Variants in C1GALT1 observed in about 807,000 individuals in gnomAD.
The protein encoded by C1GALT1 is glycoprotein-N-acetylgalactosamine 3-beta-galactosyltransferase 1.
C1GALT1 carries 11 observed loss-of-function variants against 31.0 expected under a neutral mutation model. The ratio of observed to expected loss-of-function variants is 0.36; its 90% confidence interval spans 0.22 to 0.59. C1GALT1 has a LOEUF of 0.59. C1GALT1 is among the 20% of genes least tolerant of loss of function. C1GALT1 has a pLI of 0.79. For missense variants in C1GALT1, 424 were observed against 425.2 expected, an observed-to-expected ratio of 1.00 and a Z score of 0.03; for synonymous variants, 175 against 143.6, an observed-to-expected ratio of 1.22 and a Z score of -1.56.
rs1783722409 is a variant in C1GALT1, at chr7:7,243,589, G to A, written c.954G>A (p.Glu318=). ...FHYVDSTTMY[E]LEYLVYHLRP... ...ATGTTGATTCTACAACCATGTATGA[G>A]TTAGAATACCTCGTTTATCATCTTC... The change falls in exon 4 of 4, where the codon GAG becomes GAA. Residue 318 remains glutamate (E), a synonymous_variant. Coordinates refer to ENST00000436587, the MANE Select transcript of C1GALT1 (RefSeq NM_020156.5). 1.2e-6 allele frequency: 2 copies of A among 1,612,916 alleles called. No individual in the cohort carries two copies. The highest frequency in any genetic ancestry group is 1.3e-5 in the African/African-American group (1 of 74,960).
intron 2 of C1GALT1, among the ~76,000 whole-genome samples, chr7:7,160,251 T>C (rs1780319812): frequency 6.6e-6 from 1 of 152,156 alleles, no homozygotes; most frequent in Non-Finnish European, 1.5e-5. Context: ...TTTCTGCATA[T>C]GACCTTTACC....
chr7:7,196,882 A>C (rs562991765), intron 1 of C1GALT1, among the ~76,000 whole-genome samples: 3 of 152,082 alleles, frequency 2.0e-5, no homozygotes, highest in Non-Finnish European at 2.9e-5. Flanking sequence ...GTACCTGTTC[A>C]TATCCTTTTC....
intron 2 of C1GALT1, among the ~76,000 whole-genome samples, chr7:7,169,555 T>C (rs1408932319): frequency 6.6e-6 from 1 of 151,810 alleles, no homozygotes; most frequent in Admixed American, 6.6e-5. Context: ...TTTTTTTTTC[T>C]TAATCTTACA....
intron 1 of C1GALT1, among the ~76,000 whole-genome samples, chr7:7,199,043 C>G (rs1781422874): frequency 6.6e-6 from 1 of 152,152 alleles, no homozygotes; most frequent in African/African-American, 2.4e-5. Context: ...TCCTTCAGTT[C>G]TGCTCTGACC....
At chr7:7,232,621 CTGGGATTA>C (rs1783141226) in intron 1 of C1GALT1, among the ~76,000 whole-genome samples, 1 of 151,954 alleles carries the variant, frequency 6.6e-6, no homozygotes, top group Non-Finnish European at 1.5e-5. Flanking sequence ...TCCCAGGTAG[CTGGGATTA>C]CAGGCACGTA....
chr7:7,225,763 C>A (rs17165282), intron 1 of C1GALT1, among the ~76,000 whole-genome samples: 2,773 of 152,204 alleles, frequency 0.018, 59 homozygotes, highest in African/African-American at 0.054. Flanking sequence ...TCTTAGAGCC[C>A]GTGGACTTTT....
At chr7:7,183,965 C>G (rs1474838143) in intron 1 of C1GALT1, among the ~76,000 whole-genome samples, 2 of 152,144 alleles carry the variant, frequency 1.3e-5, no homozygotes, top group Non-Finnish European at 2.9e-5. Context: ...GAACATAGCT[C>G]TGCCAGGAAA....
intron 1 of C1GALT1, among the ~76,000 whole-genome samples, chr7:7,192,851 C>T (rs1781133701): frequency 6.6e-6 from 1 of 152,098 alleles, no homozygotes. Flanking sequence ...GCCATTCTTG[C>T]AGGAGTAAGG....
At chr7:7,198,574 T>G (rs916613093) in intron 1 of C1GALT1, among the ~76,000 whole-genome samples, 2 of 152,222 alleles carry the variant, frequency 1.3e-5, no homozygotes, top group African/African-American at 4.8e-5. Flanking sequence ...GGATTCCCTC[T>G]TTTTCTGTTG....
chr7:7,203,236 C>T (rs369260275), intron 1 of C1GALT1, among the ~76,000 whole-genome samples: 13 of 151,672 alleles, frequency 8.6e-5, no homozygotes, highest in African/African-American at 3.1e-4. Flanking sequence ...ACTTCCAGTA[C>T]TATGTTGAAT....
intron 1 of C1GALT1, chr7:7,183,464 G>A (rs1213601325): frequency 3.1e-6 from 1 of 327,016 alleles, no homozygotes; most frequent in African/African-American, 2.2e-5. Flanking sequence ...GTGTGTGTTG[G>A]GGCATTCGGG....
intron 1 of C1GALT1, among the ~76,000 whole-genome samples, chr7:7,199,401 G>T (rs919415882): frequency 1.3e-5 from 2 of 152,146 alleles, no homozygotes; most frequent in African/African-American, 4.8e-5. Flanking sequence ...TGGTCTGAGA[G>T]ACAGTTTGTT....
intron 2 of C1GALT1, chr7:7,235,126 G>A (rs1783278224): frequency 6.6e-6 from 1 of 152,178 alleles, no homozygotes; most frequent in African/African-American, 2.4e-5. Flanking sequence ...TCCTTTAGCT[G>A]TTTGTCTGTG....
upstream of C1GALT1, among the ~76,000 whole-genome samples, chr7:7,177,790 C>G (rs1252553147): frequency 6.6e-6 from 1 of 152,128 alleles, no homozygotes; most frequent in East Asian, 1.9e-4. Flanking sequence ...TCAGGTAGAC[C>G]TCATCAGCCT....
upstream of C1GALT1, among the ~76,000 whole-genome samples, chr7:7,178,784 T>C (rs1780535788): frequency 6.6e-6 from 1 of 152,264 alleles, no homozygotes; most frequent in Non-Finnish European, 1.5e-5. Flanking sequence ...GTGCCAGGCA[T>C]TGTGCTAGGC....
intron 2 of C1GALT1, among the ~76,000 whole-genome samples, chr7:7,160,412 A>G (rs988089678): frequency 2.0e-5 from 3 of 152,144 alleles, no homozygotes; most frequent in African/African-American, 7.2e-5. Flanking sequence ...AGATAATGTT[A>G]CCTTGATTGA....
At chr7:7,179,057 C>A (rs1039002594), upstream of C1GALT1, among the ~76,000 whole-genome samples, 1 of 152,212 alleles carries the variant, frequency 6.6e-6, no homozygotes, top group Non-Finnish European at 1.5e-5. Flanking sequence ...TGGCTCTTGT[C>A]AGAAGGCCTC....
At chr7:7,197,670 A>C (rs565764979) in intron 1 of C1GALT1, among the ~76,000 whole-genome samples, 74 of 152,296 alleles carry the variant, frequency 4.9e-4, no homozygotes, top group Middle Eastern at 3.4e-3. Flanking sequence ...CTTCCTATCC[A>C]TGAGCATGGA....
At chr7:7,184,927 G>A (rs990845170) in intron 1 of C1GALT1, among the ~76,000 whole-genome samples, 5 of 152,158 alleles carry the variant, frequency 3.3e-5, no homozygotes, top group African/African-American at 1.2e-4. Flanking sequence ...AGAAAGGTGG[G>A]GAGCGGGAAG....
Sources: allele counts gnomAD v4.1 joint callset (sites outside exome capture counted in the v4.1 genomes callset), GRCh38; gene constraint gnomAD v4.1.1; transcripts MANE v1.5; gene names NCBI Gene and HGNC (gene_info 2026-07-23, HGNC 2026-07-21).